Variants in NME5 observed in about 807,000 individuals in gnomAD.
The protein encoded by NME5 is nucleoside diphosphate kinase 5.
Under a neutral mutation model 21.6 loss-of-function variants are expected in NME5, and 18 were observed. The observed-to-expected ratio is 0.83, with a 90% CI of 0.58 to 1.24. The LOEUF (loss-of-function observed/expected upper bound fraction) is 1.24. Ranked by LOEUF, NME5 falls within the 50% of genes most tolerant of loss-of-function variation. NME5 has a pLI of 0.00. For synonymous variants in NME5, 70 were observed against 80.6 expected (o/e 0.87, Z 0.71); for missense variants, 223 against 255.4 (o/e 0.87, Z 0.86).
chr5:138,138,648 T>A lies in NME5; in HGVS notation c.129+4A>T. On this transcript the variant is annotated splice_donor_region_variant and intron_variant, in intron 2 of 5. Transcript: ENST00000265191. ...AAGCATGAATCATCATACCCAGAAG[T>A]TACCTGAACAATGGTGAATCCGGAT... is the stretch of plus-strand genomic sequence containing the variant. 1 of 1,608,546 alleles carries A rather than the reference T, an allele frequency of 6.2e-7. No individual in the cohort carries two copies. The highest frequency in any genetic ancestry group is 1.1e-5 in the South Asian group (1 of 89,954).
intron 2 of NME5, among the ~76,000 whole-genome samples, chr5:138,133,979 T>C (rs974615493): frequency 6.6e-6 from 1 of 152,204 alleles, no homozygotes; most frequent in Non-Finnish European, 1.5e-5. Context: ...AAATGGTAAA[T>C]TTTATGTTGT....
At chr5:138,117,204 C>CAAAAAAAAAAAAA (rs34623624) in intron 5 of NME5, among the ~76,000 whole-genome samples, 1 of 63,572 alleles carries the variant, frequency 1.6e-5, no homozygotes, top group Non-Finnish European at 2.8e-5. Context: ...GACCCTGTCT[C>CAAAAAAAAAAAAA]AAAAAAAAAA....
chr5:138,139,040 G>A lies in NME5; in HGVS notation c.-5-255C>T, dbSNP rs929784479. 11 of 275,978 alleles carry A rather than the reference G, an allele frequency of 4.0e-5. No homozygotes were observed. The Admixed American group carries it at 5.6e-4, about 14-fold the overall frequency. The allele number at this position is 275,978 out of a possible 1,614,324, so 17.1% of individuals were successfully genotyped here. On this transcript the variant is annotated intron_variant, in intron 1 of 5. Transcript: ENST00000265191. The stretch of plus-strand genomic sequence containing the variant: ...GTCACCAAGGCAGGAAGGACTATGG[G>A]CTCACATAACCAGAGGCCAAGGGGC...
At chr5:138,134,493 C>T (rs1313426553) in intron 2 of NME5, among the ~76,000 whole-genome samples, 1 of 152,100 alleles carries the variant, frequency 6.6e-6, no homozygotes, top group Non-Finnish European at 1.5e-5. Context: ...ATCCACCCAC[C>T]TCGGCCTCTG....
At chr5:138,120,518 A>T (rs1398291844) in intron 4 of NME5, among the ~76,000 whole-genome samples, 1 of 152,082 alleles carries the variant, frequency 6.6e-6, no homozygotes, top group East Asian at 1.9e-4. Flanking sequence ...GATTACAGGC[A>T]TGAGCCACCG....
At chr5:138,123,046 T>G (rs1751322003) in intron 4 of NME5, 2 of 152,168 alleles carry the variant, frequency 1.3e-5, no homozygotes, top group African/African-American at 4.8e-5. Context: ...ATGTCATCCT[T>G]GCATAGGGGC....
At chr5:138,122,709 G>C (rs1278621548) in intron 4 of NME5, among the ~76,000 whole-genome samples, 1 of 145,890 alleles carries the variant, frequency 6.9e-6, no homozygotes, top group Admixed American at 6.9e-5. Flanking sequence ...ACATGGTCTT[G>C]CTCTGTTGCC....
intron 2 of NME5, among the ~76,000 whole-genome samples, chr5:138,132,791 T>C (rs1751598779): frequency 6.6e-6 from 1 of 152,144 alleles, no homozygotes; most frequent in Non-Finnish European, 1.5e-5. Context: ...CCAGTTACTA[T>C]GAAAAAGGTG....
intron 2 of NME5, among the ~76,000 whole-genome samples, chr5:138,134,327 T>A (rs1005830606): frequency 6.6e-6 from 1 of 152,106 alleles, no homozygotes; most frequent in African/African-American, 2.4e-5. Context: ...CACTGCAACC[T>A]CCGCCTCCCA....
intron 4 of NME5, chr5:138,123,066 C>T (rs974647035): frequency 1.3e-5 from 2 of 152,044 alleles, no homozygotes; most frequent in African/African-American, 4.8e-5. Flanking sequence ...CCAAGCTAAT[C>T]TTCTCTGTAT....
At chr5:138,137,349 C>T (rs979961593) in intron 2 of NME5, among the ~76,000 whole-genome samples, 1 of 151,690 alleles carries the variant, frequency 6.6e-6, no homozygotes, top group Non-Finnish European at 1.5e-5. Context: ...GACAGATCTC[C>T]CTCTATTGCC....
chr5:138,126,198 C>T (rs1291035970), intron 4 of NME5, among the ~76,000 whole-genome samples: 1 of 152,108 alleles, frequency 6.6e-6, no homozygotes, highest in African/African-American at 2.4e-5. Flanking sequence ...TGAGTAAAAT[C>T]AAAGGCAACT....
intron 2 of NME5, among the ~76,000 whole-genome samples, chr5:138,137,232 G>A (rs1193758604): frequency 6.6e-6 from 1 of 151,960 alleles, no homozygotes; most frequent in Non-Finnish European, 1.5e-5. Flanking sequence ...ACACTTTCTT[G>A]TGCCATCCCT....
At chr5:138,130,672 C>G (rs1308251905) in intron 2 of NME5, among the ~76,000 whole-genome samples, 2 of 152,064 alleles carry the variant, frequency 1.3e-5, no homozygotes, top group African/African-American at 4.8e-5. Context: ...CGCCTGTAAT[C>G]CCAGCACTTT....
intron 4 of NME5, among the ~76,000 whole-genome samples, chr5:138,119,639 T>C (rs1172969022): frequency 1.3e-5 from 2 of 148,426 alleles, no homozygotes; most frequent in African/African-American, 4.9e-5. Context: ...CCAGCCTGTT[T>C]TCTTTTTCTT....
intron 2 of NME5, among the ~76,000 whole-genome samples, chr5:138,133,949 T>C (rs1334443815): frequency 2.0e-5 from 3 of 152,224 alleles, no homozygotes; most frequent in African/African-American, 7.2e-5. Context: ...GCAACTGAAA[T>C]GTACACTTAA....
chr5:138,134,395 C>T (rs916796723), intron 2 of NME5, among the ~76,000 whole-genome samples: 2 of 152,154 alleles, frequency 1.3e-5, no homozygotes, highest in Non-Finnish European at 2.9e-5. Context: ...AGGCTCCCAC[C>T]ACCACGCCCG....
chr5:138,129,451 G>A lies in NME5; in HGVS notation c.147C>T (p.Leu49=). The part of the protein sequence containing the change: ...FTIVQRRKLR[L]SPEQCSNFYV... ...AAAAGTTACTACATTGCTCAGGGCT[G>A]AGGCGTAGTTTTCTTCTCTATAAAA... The change falls in exon 3 of 6, where the codon CTC becomes CTT. Residue 49 remains leucine, a synonymous_variant. Coordinates refer to ENST00000265191, the MANE Select transcript of NME5 (RefSeq NM_003551.3). 1 of 1,613,868 alleles carries A rather than the reference G, an allele frequency of 6.2e-7. No homozygotes were observed. Among genetic ancestry groups the A allele is most frequent in the Non-Finnish European group, 8.5e-7 (1 of 1,179,828 alleles).
intron 2 of NME5, among the ~76,000 whole-genome samples, chr5:138,131,991 C>A (rs986666566): frequency 3.9e-4 from 59 of 152,292 alleles, no homozygotes; most frequent in Admixed American, 2.0e-4. Flanking sequence ...ATGATCTGCC[C>A]ACCTTGGCCT....
Sources: allele counts gnomAD v4.1 joint callset (sites outside exome capture counted in the v4.1 genomes callset), GRCh38; gene constraint gnomAD v4.1.1; transcripts MANE v1.5; gene names NCBI Gene and HGNC (gene_info 2026-07-23, HGNC 2026-07-21).